Variants in PDGFC observed in about 807,000 individuals in gnomAD.
The protein encoded by PDGFC is platelet-derived growth factor C.
Under a neutral mutation model 35.5 loss-of-function variants are expected in PDGFC, and 12 were observed. The observed-to-expected ratio is 0.34, with a 90% CI of 0.22 to 0.55. The LOEUF (loss-of-function observed/expected upper bound fraction) is 0.55. Ranked by LOEUF, PDGFC falls within the 20% of genes least tolerant of loss-of-function variation. The pLI is 0.91. For missense variants in PDGFC, 322 were observed against 412.4 expected, an observed-to-expected ratio of 0.78 and a Z score of 1.90; for synonymous variants, 159 against 148.8, an observed-to-expected ratio of 1.07 and a Z score of -0.50.
intron 2 of PDGFC, among the ~76,000 whole-genome samples, chr4:156,821,516 C>T (rs1479116468): frequency 4.6e-5 from 7 of 151,968 alleles, no homozygotes. Context: ...GCTGGGGTTA[C>T]AGATGTGAAC....
At chr4:156,861,126 T>A (rs909574390) in intron 1 of PDGFC, among the ~76,000 whole-genome samples, 1 of 152,132 alleles carries the variant, frequency 6.6e-6, no homozygotes, top group Non-Finnish European at 1.5e-5. Flanking sequence ...GAAGTGGGAA[T>A]GTAGACATTT....
rs1478561664 is a variant in PDGFC, at chr4:156,850,372, T to C, written c.163A>G (p.Asn55Asp). The change falls in exon 2 of 6, where the codon AAT becomes GAT. Residue 55 changes from asparagine (N) to aspartate (D), a missense_variant. Transcript: ENST00000502773. ...QHERIITVST[N>D]GSIHSPRFPH... is the part of the protein sequence containing the mutation. ...AACCTTGGGCTGTGAATACTTCCATTAGTAGACACAGTAATAATTCTCTCA... is the reference window on the plus strand; with the variant it reads ...AACCTTGGGCTGTGAATACTTCCATCAGTAGACACAGTAATAATTCTCTCA... 6.2e-7 allele frequency: 1 copy of C among 1,605,410 alleles called. No individual in the cohort carries two copies. Among genetic ancestry groups the C allele is most frequent in the Admixed American group, 1.7e-5 (1 of 59,148 alleles).
At chr4:156,929,373 G>A (rs1373898168) in intron 1 of PDGFC, among the ~76,000 whole-genome samples, 1 of 151,378 alleles carries the variant, frequency 6.6e-6, no homozygotes, top group Non-Finnish European at 1.5e-5. Flanking sequence ...GATATTAGTT[G>A]GGAAGAAAAG....
intron 1 of PDGFC, among the ~76,000 whole-genome samples, chr4:156,892,057 C>CTTG (rs1447266108): frequency 6.6e-6 from 1 of 152,120 alleles, no homozygotes; most frequent in Admixed American, 6.5e-5. Context: ...AAGGAGAAGC[C>CTTG]TTGTGTAAGC....
At chr4:156,855,004 G>A (rs1210478439) in intron 1 of PDGFC, among the ~76,000 whole-genome samples, 1 of 151,860 alleles carries the variant, frequency 6.6e-6, no homozygotes, top group Non-Finnish European at 1.5e-5. Context: ...TAAGGTAGAG[G>A]TACTGGAAAC....
In PDGFC at chr4:156,878,412, T is replaced by C. The variant is rs1429152136; in HGVS notation, c.119-27996A>G. Among the ~76,000 whole-genome samples the C allele has an allele frequency of 4.6e-5, 7 of 152,166 alleles. No individual in the cohort carries two copies. In the East Asian group the frequency reaches 1.4e-3, roughly 29 times the overall value. ...ACTAGAGATAAAATTCACCAGAAAA[T>C]TGTAAATTTTTATTAAAAATTACAA... On this transcript the variant is annotated intron_variant, in intron 1 of 5. Coordinates refer to ENST00000502773, the MANE Select transcript of PDGFC (RefSeq NM_016205.3).
intron 1 of PDGFC, among the ~76,000 whole-genome samples, chr4:156,931,980 C>T (rs1393106184): frequency 3.9e-5 from 6 of 152,102 alleles, no homozygotes; most frequent in Admixed American, 3.3e-4. Flanking sequence ...CTAACCCTGA[C>T]ATTTATAGTA....
intron 1 of PDGFC, among the ~76,000 whole-genome samples, chr4:156,959,470 G>A (rs1560891452): frequency 1.3e-5 from 2 of 151,834 alleles, no homozygotes; most frequent in African/African-American, 4.8e-5. Flanking sequence ...TTTTGTTTAA[G>A]AGTGTTTGAA....
intron 1 of PDGFC, among the ~76,000 whole-genome samples, chr4:156,897,799 C>A (rs1388077650): frequency 6.6e-6 from 1 of 152,142 alleles, no homozygotes; most frequent in Non-Finnish European, 1.5e-5. Flanking sequence ...TAAAAAGTTA[C>A]ACTCTGAAGA....
chr4:156,947,019 T>A (rs1345237846), intron 1 of PDGFC, among the ~76,000 whole-genome samples: 1 of 152,048 alleles, frequency 6.6e-6, no homozygotes, highest in Non-Finnish European at 1.5e-5. Context: ...TCTGCTCAGC[T>A]AGCCTAGTAA....
chr4:156,941,910 A>C (rs2110909360), intron 1 of PDGFC, among the ~76,000 whole-genome samples: 1 of 152,292 alleles, frequency 6.6e-6, no homozygotes, highest in African/African-American at 2.4e-5. Context: ...TGGCTTAGAA[A>C]AAAAATAAAA....
rs949339906 is a variant in PDGFC, at chr4:156,890,972, T to C, written c.119-40556A>G. Among the ~76,000 whole-genome samples, 5 of 152,220 alleles carry C rather than the reference T, an allele frequency of 3.3e-5. No individual in the cohort carries two copies. In the East Asian group the frequency reaches 9.7e-4, roughly 29 times the overall value. On this transcript the variant is annotated intron_variant, in intron 1 of 5. Transcript: ENST00000502773. ...CCCTTAAGGATGGGATATGTTATAG[T>C]AAATGCACCACTAGGCAATTTTGTT...
At chr4:156,914,913 C>G (rs529238762) in intron 1 of PDGFC, among the ~76,000 whole-genome samples, 9 of 152,214 alleles carry the variant, frequency 5.9e-5, no homozygotes, top group African/African-American at 2.2e-4. Context: ...ATAAAATTGA[C>G]TAACAAACTT....
chr4:156,936,000 A>G (rs1731671086), intron 1 of PDGFC, among the ~76,000 whole-genome samples: 1 of 152,226 alleles, frequency 6.6e-6, no homozygotes, highest in African/African-American at 2.4e-5. Context: ...GAACGAAAAT[A>G]CATGTGAAGT....
intron 3 of PDGFC, among the ~76,000 whole-genome samples, chr4:156,773,159 A>G (rs1240881116): frequency 1.3e-5 from 2 of 152,232 alleles, no homozygotes; most frequent in Non-Finnish European, 2.9e-5. Flanking sequence ...AAAGAATTAA[A>G]AATATCTTCA....
At chr4:156,845,132 T>C (rs1729294246) in intron 2 of PDGFC, among the ~76,000 whole-genome samples, 1 of 151,890 alleles carries the variant, frequency 6.6e-6, no homozygotes, top group Non-Finnish European at 1.5e-5. Flanking sequence ...TAAAAATTGC[T>C]TCTATATAAT....
Position 156,810,818 on chromosome 4 carries a change from A to T in PDGFC, c.495+19T>A, listed in dbSNP as rs754178424. The stretch of plus-strand genomic sequence containing the variant: ...AAAGCTGATCCAATTAAATAAGGGG[A>T]TCTGAAAGTGGTACTTACTGGCATG... On this transcript the variant is annotated intron_variant, in intron 3 of 5. Coordinates refer to ENST00000502773, the MANE Select transcript of PDGFC (RefSeq NM_016205.3). The T allele has an allele frequency of 2.7e-6, 4 of 1,478,416 alleles. No individual in the cohort carries two copies. The highest frequency in any genetic ancestry group is 3.7e-6 in the Non-Finnish European group (4 of 1,076,560). 91.6% of individuals were successfully genotyped at this position (1,478,416 alleles called of 1,614,324 possible).
chr4:156,907,412 T>C (rs905316841), intron 1 of PDGFC, among the ~76,000 whole-genome samples: 2 of 150,714 alleles, frequency 1.3e-5, no homozygotes, highest in African/African-American at 2.4e-5. Flanking sequence ...AAGAGTTTAC[T>C]TTAGCAATCT....
chr4:156,966,459 T>TA (rs1418939585), intron 1 of PDGFC, among the ~76,000 whole-genome samples: 1 of 152,132 alleles, frequency 6.6e-6, no homozygotes, highest in Non-Finnish European at 1.5e-5. Flanking sequence ...TTTTTTTTTT[T>TA]ACTATGAAAT....
Sources: allele counts gnomAD v4.1 joint callset (sites outside exome capture counted in the v4.1 genomes callset), GRCh38; gene constraint gnomAD v4.1.1; transcripts MANE v1.5; gene names NCBI Gene and HGNC (gene_info 2026-07-23, HGNC 2026-07-21).